SIGLEC6: variants seen among roughly 807,000 people sequenced by gnomAD.
SIGLEC6 encodes the protein sialic acid binding Ig like lectin 6.
In SIGLEC6, 31 loss-of-function variants were observed where a neutral mutation model predicts 41.4. The observed-to-expected ratio is 0.75, with a 90% confidence interval of 0.56 to 1.01. SIGLEC6 has a LOEUF of 1.01. SIGLEC6 is among the 50% of genes least tolerant of loss of function. The probability of loss-of-function intolerance (pLI) is 0.00; values close to 1 mark genes in which losing one functional copy is unlikely to be tolerated. For synonymous variants in SIGLEC6, 217 were observed against 231.0 expected, an observed-to-expected ratio of 0.94 and a Z score of 0.55; for missense variants, 555 against 558.6, an observed-to-expected ratio of 0.99 and a Z score of 0.06.
At chr19:51,527,919 A>G in intron 6 of SIGLEC6, 91 bp from the exon 7 acceptor site, 2 of 1,268,772 alleles carry the variant, frequency 1.6e-6, no homozygotes, top group Non-Finnish European at 1.1e-6. Flanking sequence ...TGGAGAGTAC[A>G]GAAGTAATTA....
chr19:51,519,366 T>G lies in SIGLEC6; in HGVS notation c.*716A>C, dbSNP rs1990735432. Among the ~76,000 whole-genome samples the G allele has an allele frequency of 6.7e-6, 1 of 150,182 alleles. No individual in the cohort carries two copies. The highest frequency in any genetic ancestry group is 2.0e-4 in the East Asian group (1 of 5,084). The stretch of plus-strand genomic sequence containing the variant: ...CATTCATTTACAAAAATATACAGAC[T>G]TTATGAAAACCTTTGTGTCAGGGCC... On this transcript the variant is annotated 3_prime_UTR_variant, in exon 8 of 8. Transcript: ENST00000425629.
chr19:51,530,691 G>A lies in SIGLEC6; in HGVS notation c.696C>T (p.Leu232=), dbSNP rs1454007812. The A allele has an allele frequency of 6.2e-7, 1 of 1,613,586 alleles. No individual in the cohort carries two copies. Among genetic ancestry groups the A allele is most frequent in the East Asian group, 2.2e-5 (1 of 44,834 alleles). ...TGGCCCAGCACTCACAGGAGACATT[G>A]AGCTGGATGGTTCTCTCCATGGTCA... is the stretch of plus-strand genomic sequence containing the variant. ...AGVTMERTIQ[L]NVSYAPQKVA... Residue 232 remains leucine, a synonymous_variant, in exon 3 of 8, where the codon CTC becomes CTT. Transcript: ENST00000425629.
intron 7 of SIGLEC6, among the ~76,000 whole-genome samples, chr19:51,526,130 G>A (rs1397168854): frequency 6.6e-6 from 1 of 152,158 alleles, no homozygotes; most frequent in African/African-American, 2.4e-5. Context: ...AGCCCCAAGA[G>A]ACAAGGAAAA....
chr19:51,518,851 C>A lies in SIGLEC6; in HGVS notation c.*1231G>T, dbSNP rs1055802453. Among the ~76,000 whole-genome samples the A allele has an allele frequency of 6.6e-6, 1 of 152,034 alleles. No individual in the cohort carries two copies. Among genetic ancestry groups the A allele is most frequent in the Non-Finnish European group, 1.5e-5 (1 of 68,012 alleles). On this transcript the variant is annotated 3_prime_UTR_variant, in exon 8 of 8. Transcript: ENST00000425629. ...TGGATGGACAAGATCATGTAGAGAG[C>A]CTTGAGCAGAAAGATGATGGATGGA...
chr19:51,524,063 CA>C (rs2122343397), intron 7 of SIGLEC6, among the ~76,000 whole-genome samples: 2 of 150,906 alleles, frequency 1.3e-5, no homozygotes, highest in South Asian at 4.2e-4. Context: ...ATCAAAAAGG[CA>C]AAAAAGGGAG....
At chr19:51,530,374 C>T in intron 4 of SIGLEC6, 63 bp downstream of exon 4, 3 of 1,430,670 alleles carry the variant, frequency 2.1e-6, no homozygotes, top group Non-Finnish European at 2.9e-6. Flanking sequence ...TCATATTGAT[C>T]CCCGTTAGTC....
At position 51,519,495 on chromosome 19, in the gene SIGLEC6, G is replaced by C. The variant is rs1051131735; in HGVS notation, c.*587C>G. The C allele has an allele frequency of 6.6e-6, 1 of 152,128 alleles. No individual in the cohort carries two copies. The highest frequency in any genetic ancestry group is 2.4e-5 in the African/African-American group (1 of 41,420). 9.4% of individuals were successfully genotyped at this position (152,128 alleles called of 1,614,324 possible). A position where few individuals can be genotyped will look rare whatever the true frequency, so the allele number is the denominator to read the frequency against. On this transcript the variant is annotated 3_prime_UTR_variant, in exon 8 of 8. Transcript: ENST00000425629. ...ATGGAAATTATTTCCCTGCCTTACAGAGCAGGGACATAAAGCGACTTGCTC... is the reference window on the plus strand; with the variant it reads ...ATGGAAATTATTTCCCTGCCTTACACAGCAGGGACATAAAGCGACTTGCTC...
intron 5 of SIGLEC6, chr19:51,528,510 T>G (rs1257017233): frequency 1.9e-6 from 1 of 534,200 alleles, no homozygotes; most frequent in Non-Finnish European, 3.4e-6. Flanking sequence ...TTCATTTCTC[T>G]GGAGCAGTTA....
intron 7 of SIGLEC6, among the ~76,000 whole-genome samples, chr19:51,521,397 G>A (rs760057060): frequency 1.1e-4 from 17 of 152,028 alleles, no homozygotes; most frequent in Non-Finnish European, 1.6e-4. Context: ...TGTGTGTTCA[G>A]GGAGGCATTG....
Position 51,520,185 on chromosome 19 carries a change from T to C in SIGLEC6, c.1259A>G (p.Asp420Gly). The part of the protein sequence containing the change: ...HPAEAGPISE[D>G]EQELHYAVLH... ...GACAGCGTAGTGGAGCTCCTGCTCA[T>C]CTTCTGAGATGGGGCCAGCCTCAGC... is the stretch of plus-strand genomic sequence containing the variant. Residue 420 changes from aspartate to glycine, a missense_variant, in exon 8 of 8, where the codon GAT (aspartate) becomes GGT (glycine). Physicochemically the swap from Asp to Gly is moderately conservative, Grantham distance 94 (BLOSUM62 -1). Coordinates refer to ENST00000425629, the MANE Select transcript of SIGLEC6 (RefSeq NM_001245.7). 6.2e-7 allele frequency: 1 copy of C among 1,609,134 alleles called. No homozygotes were observed. The highest frequency in any genetic ancestry group is 8.5e-7 in the Non-Finnish European group (1 of 1,176,208).
intron 7 of SIGLEC6, among the ~76,000 whole-genome samples, chr19:51,522,826 A>G (rs1978509678): frequency 6.6e-6 from 1 of 152,022 alleles, no homozygotes; most frequent in South Asian, 2.1e-4. Flanking sequence ...ACAGAACATA[A>G]TAAGGAAATG....
Position 51,525,269 on chromosome 19 carries a change from T to A in SIGLEC6, c.1188+2478A>T, listed in dbSNP as rs559684856. Among the ~76,000 whole-genome samples, 60 of 152,096 alleles carry A rather than the reference T, an allele frequency of 3.9e-4. 1 individual carries two copies. The South Asian group carries it at 7.1e-3, about 18-fold the overall frequency. On this transcript the variant is annotated intron_variant, in intron 7 of 7. Coordinates refer to ENST00000425629, the MANE Select transcript of SIGLEC6 (RefSeq NM_001245.7). ...CCTGAGCACTTGGGCCAGTAGCAGC[T>A]CTCGACTTCTCTGGGACAGGGCTCC... is the stretch of plus-strand genomic sequence containing the variant.
At chr19:51,527,914 A>T (rs1568551501) in intron 6 of SIGLEC6, 86 bp from the exon 7 acceptor site, 2 of 1,289,610 alleles carry the variant, frequency 1.6e-6, no homozygotes, top group Non-Finnish European at 2.2e-6. Context: ...CCCTATGGAG[A>T]GTACAGAAGT....
Position 51,519,104 on chromosome 19 carries a change from G to A in SIGLEC6, c.*978C>T, listed in dbSNP as rs575689318. Among the ~76,000 whole-genome samples the A allele has an allele frequency of 6.6e-6, 1 of 152,094 alleles. No homozygotes were observed. The highest frequency in any genetic ancestry group is 2.1e-4 in the South Asian group (1 of 4,816). Reference sequence around the variant, plus strand: ...AGGTCAGGAGATCAAGACCATCCTGGCTAACACGGTGAAACCCCGTCTCTA... The same window carrying A: ...AGGTCAGGAGATCAAGACCATCCTGACTAACACGGTGAAACCCCGTCTCTA... On this transcript the variant is annotated 3_prime_UTR_variant, in exon 8 of 8. Transcript: ENST00000425629.
At chr19:51,520,436 C>T (rs1990834887) in intron 7 of SIGLEC6, among the ~76,000 whole-genome samples, 181 bp from the exon 8 acceptor site, 3 of 151,984 alleles carry the variant, frequency 2.0e-5, no homozygotes, top group Non-Finnish European at 4.4e-5. Flanking sequence ...GTTGTCCAGG[C>T]TGGAGTGCAG....
In SIGLEC6 at chr19:51,531,625, G is replaced by A. The variant is rs765868335; in HGVS notation, c.24C>T (p.Ser8=). Reference sequence around the variant, plus strand: ...GCAGCAGCGGTAGCATCTCTGAGGCGGAGGCTTCCTGGGCTCCCTGCATGA... The same window carrying A: ...GCAGCAGCGGTAGCATCTCTGAGGCAGAGGCTTCCTGGGCTCCCTGCATGA... The part of the protein sequence containing the change: MQGAQEA[S]ASEMLPLLLP... The change falls in exon 1 of 8, where the codon TCC becomes TCT. Residue 8 remains serine, a synonymous_variant. Coordinates refer to ENST00000425629, the MANE Select transcript of SIGLEC6 (RefSeq NM_001245.7). The A allele has an allele frequency of 2.5e-6, 4 of 1,610,880 alleles. No individual in the cohort carries two copies. The Admixed American group carries it at 6.7e-5, about 27-fold the overall frequency.
rs557163883 is a variant in SIGLEC6 at position 51,522,371 on chromosome 19, C to A, written c.1189-2116G>T. On this transcript the variant is annotated intron_variant, in intron 7 of 7. Coordinates refer to ENST00000425629, the MANE Select transcript of SIGLEC6 (RefSeq NM_001245.7). Reference sequence around the variant, plus strand: ...GATGTCCAGTATGCCACCAAAATCACTACCTATGCGAAGAAGCTGTGGAAT... The same window carrying A: ...GATGTCCAGTATGCCACCAAAATCAATACCTATGCGAAGAAGCTGTGGAAT... Among the ~76,000 whole-genome samples, 5 of 152,364 alleles carry A rather than the reference C, an allele frequency of 3.3e-5. No individual in the cohort carries two copies. The South Asian group carries it at 1.0e-3, about 32-fold the overall frequency.
intron 7 of SIGLEC6, 92 bp downstream of exon 7, chr19:51,527,655 A>G: frequency 1.0e-6 from 1 of 997,200 alleles, no homozygotes; most frequent in South Asian, 1.5e-5. Context: ...AGGGAATGTC[A>G]GGTGTTAATG....
At chr19:51,527,878 C>G in intron 6 of SIGLEC6, 50 bp from the exon 7 acceptor site, 1 of 1,571,720 alleles carries the variant, frequency 6.4e-7, no homozygotes, top group Non-Finnish European at 8.7e-7. Flanking sequence ...GAGCCTCTTT[C>G]CCCAAAAGAA....
Sources: gnomAD v4.1 joint callset for allele counts (sites outside exome capture counted in the v4.1 genomes callset) on GRCh38, gnomAD v4.1.1 for gene constraint, MANE v1.5 for transcripts, NCBI Gene and HGNC (gene_info 2026-07-23, HGNC 2026-07-21) for gene names.